Variants in FAM13A observed in about 807,000 individuals in gnomAD.
The protein encoded by FAM13A is family with sequence similarity 13 member A.
A neutral mutation model predicts 129.6 loss-of-function variants in FAM13A; 76 were observed. That is an observed-to-expected ratio of 0.59 (90% CI 0.49 to 0.71). FAM13A has a LOEUF of 0.71. FAM13A is among the 30% of genes least tolerant of loss of function. The pLI, the probability that FAM13A is intolerant of heterozygous loss-of-function variation, is 0.00. For missense variants in FAM13A, 1,108 were observed against 1,249.3 expected, an observed-to-expected ratio of 0.89 and a Z score of 1.70; for synonymous variants, 443 against 449.9, an observed-to-expected ratio of 0.98 and a Z score of 0.20.
chr4:88,882,742 C>G (rs1322664302), intron 6 of FAM13A, among the ~76,000 whole-genome samples: 1 of 152,034 alleles, frequency 6.6e-6, no homozygotes, highest in East Asian at 1.9e-4. Flanking sequence ...AAGAATTCAC[C>G]AACCAACTAT....
intron 4 of FAM13A, among the ~76,000 whole-genome samples, chr4:88,944,543 T>C (rs1457712085): frequency 2.0e-5 from 3 of 152,068 alleles, no homozygotes; most frequent in East Asian, 1.9e-4. Flanking sequence ...CCTCAAGATA[T>C]TAGATGCCGC....
intron 1 of FAM13A, among the ~76,000 whole-genome samples, chr4:89,040,823 G>C (rs554152470): frequency 4.3e-4 from 66 of 152,300 alleles, no homozygotes; most frequent in African/African-American, 1.5e-3. Flanking sequence ...ATTAACATTT[G>C]AGTCAGTGGA....
At chr4:88,957,477 T>C (rs1312683646) in intron 4 of FAM13A, among the ~76,000 whole-genome samples, 2 of 152,226 alleles carry the variant, frequency 1.3e-5, no homozygotes, top group Non-Finnish European at 2.9e-5. Flanking sequence ...ATGAGCCAAT[T>C]AGACCTCTTT....
intron 3 of FAM13A, among the ~76,000 whole-genome samples, chr4:89,006,193 G>A (rs1343403445): frequency 2.0e-5 from 3 of 149,044 alleles, no homozygotes; most frequent in Non-Finnish European, 4.5e-5. Context: ...GTTTTTGTCA[G>A]CTTTGTTGAA....
chr4:89,042,941 A>G (rs1336268295), intron 1 of FAM13A, among the ~76,000 whole-genome samples: 1 of 152,230 alleles, frequency 6.6e-6, no homozygotes, highest in Non-Finnish European at 1.5e-5. Flanking sequence ...GACAAATCCA[A>G]TAAAAATGTT....
intron 7 of FAM13A, among the ~76,000 whole-genome samples, chr4:88,837,899 C>CT (rs1561127289): frequency 6.6e-6 from 1 of 151,834 alleles, no homozygotes; most frequent in Non-Finnish European, 1.5e-5. Flanking sequence ...TATAGTTGGC[C>CT]TTTTGTGTCC....
intron 4 of FAM13A, among the ~76,000 whole-genome samples, chr4:88,987,838 C>CAAAAAAAAAAAAAAAAAAAAAA (rs1158179811): frequency 1.4e-5 from 1 of 71,200 alleles, no homozygotes; most frequent in African/African-American, 5.8e-5. Flanking sequence ...AGACTCCTCT[C>CAAAAAAAAAAAAAAAAAAAAAA]AAAAAAAAAA....
chr4:88,945,902 TAC>T (rs1226975890), intron 4 of FAM13A, among the ~76,000 whole-genome samples: 4 of 133,854 alleles, frequency 3.0e-5, no homozygotes, highest in African/African-American at 8.7e-5. Flanking sequence ...TGTGTGTATA[TAC>T]ACAGACTATA....
At chr4:89,013,455 C>G (rs960529460) in intron 3 of FAM13A, among the ~76,000 whole-genome samples, 1 of 151,408 alleles carries the variant, frequency 6.6e-6, no homozygotes, top group Non-Finnish European at 1.5e-5. Flanking sequence ...TACATTATTC[C>G]CTCTATTTGG....
intron 7 of FAM13A, among the ~76,000 whole-genome samples, chr4:88,839,624 C>T (rs188420431): frequency 3.8e-4 from 58 of 152,208 alleles, no homozygotes; most frequent in Admixed American, 1.0e-3. Context: ...CAGTGGCTCA[C>T]GCCTGTAATC....
In FAM13A at chr4:88,799,678, T is replaced by G. The variant is rs1313367197; in HGVS notation, c.1049+5333A>C. Among the ~76,000 whole-genome samples the G allele has an allele frequency of 2.0e-5, 3 of 152,108 alleles. No individual in the cohort carries two copies. The East Asian group carries it at 5.8e-4, about 29-fold the overall frequency. ...TTTTTGTATTTTAGTAGAGACTGGG[T>G]TTCACCATATTGTCCACGATGGTCT... On this transcript the variant is annotated intron_variant, in intron 8 of 23. Coordinates refer to ENST00000264344, the MANE Select transcript of FAM13A (RefSeq NM_014883.4).
chr4:88,942,796 C>A (rs1384655753), intron 4 of FAM13A, among the ~76,000 whole-genome samples: 3 of 152,138 alleles, frequency 2.0e-5, no homozygotes, highest in Non-Finnish European at 4.4e-5. Flanking sequence ...AAAAAATAGT[C>A]TCCTTACAAG....
intron 6 of FAM13A, among the ~76,000 whole-genome samples, chr4:88,870,201 G>A (rs1243550676): frequency 2.0e-5 from 3 of 152,082 alleles, no homozygotes; most frequent in African/African-American, 7.2e-5. Context: ...CCGGTCTGCA[G>A]CTCCCAGCGT....
At chr4:88,949,827 T>C (rs1756638224) in intron 4 of FAM13A, among the ~76,000 whole-genome samples, 1 of 152,160 alleles carries the variant, frequency 6.6e-6, no homozygotes, top group Non-Finnish European at 1.5e-5. Flanking sequence ...CCCCTCACAT[T>C]ACAGAGTTTA....
Position 88,781,296 on chromosome 4 carries a change from T to G in FAM13A, c.1327A>C (p.Ile443Leu). 1 of 1,612,970 alleles carries G rather than the reference T, an allele frequency of 6.2e-7. No homozygotes were observed. The highest frequency in any genetic ancestry group is 8.5e-7 in the Non-Finnish European group (1 of 1,179,384). The change falls in exon 11 of 24, where the codon ATT becomes CTT. Residue 443 changes from isoleucine to leucine, a missense_variant. By Grantham distance (5) the Ile-to-Leu change is conservative (BLOSUM62 2). This residue lies in a region of FAM13A where 566 missense variants were observed against 595.7 expected (regional missense o/e 0.95). Transcript: ENST00000264344. ...PSGFNHLDDC[I>L]LNTQEVEKVH... ...TTTTCGACTTCCTGAGTATTCAAAA[T>G]ACAATCATCAAGGTGGTTGAACCCA...
At chr4:88,894,528 T>C (rs1218820178) in intron 6 of FAM13A, among the ~76,000 whole-genome samples, 1 of 152,230 alleles carries the variant, frequency 6.6e-6, no homozygotes, top group African/African-American at 2.4e-5. Flanking sequence ...GTATTAATTT[T>C]ATTTTTATTT....
chr4:88,995,249 G>A (rs893676621), intron 3 of FAM13A, among the ~76,000 whole-genome samples: 5 of 151,110 alleles, frequency 3.3e-5, no homozygotes, highest in Admixed American at 1.3e-4. Flanking sequence ...TTACCACCAT[G>A]GGGAAGGCAT....
At chr4:88,873,555 T>C (rs985679977) in intron 6 of FAM13A, among the ~76,000 whole-genome samples, 4 of 152,148 alleles carry the variant, frequency 2.6e-5, no homozygotes, top group Non-Finnish European at 4.4e-5. Flanking sequence ...AATGGATAAA[T>C]TCTTGGACAC....
chr4:89,019,255 C>T (rs540069547), intron 3 of FAM13A, among the ~76,000 whole-genome samples: 3 of 152,298 alleles, frequency 2.0e-5, no homozygotes, highest in African/African-American at 4.8e-5. Context: ...TAGCATACTG[C>T]ATGTGAATAG....
Sources: allele counts gnomAD v4.1 joint callset (sites outside exome capture counted in the v4.1 genomes callset), GRCh38; gene constraint gnomAD v4.1.1; regional missense constraint gnomAD v4.1.1; transcripts MANE v1.5; gene names NCBI Gene and HGNC (gene_info 2026-07-23, HGNC 2026-07-21).